The following MAD2L2 variants were observed in gnomAD, a reference collection of about 807,000 sequenced individuals.
The protein encoded by MAD2L2 is mitotic arrest deficient 2 like 2, also known as mitotic spindle assembly checkpoint protein MAD2B.
MAD2L2 carries 17 observed loss-of-function variants against 30.5 expected under a neutral mutation model. The observed-to-expected ratio is 0.56, with a 90% CI of 0.38 to 0.84. MAD2L2 has a LOEUF of 0.84. Ranked by LOEUF, MAD2L2 falls within the 40% of genes least tolerant of loss-of-function variation. The pLI is 0.00. For missense variants in MAD2L2, 213 were observed against 277.4 expected (o/e 0.77, Z 1.65); for synonymous variants, 101 against 113.9 (o/e 0.89, Z 0.72).
In MAD2L2 at chr1:11,688,496, G is replaced by A. The variant is rs757839921; in HGVS notation, c.-692+2917C>T. 8.5e-5 allele frequency among the ~76,000 whole-genome samples: 13 copies of A among 152,192 alleles called. No individual in the cohort carries two copies. The highest frequency in any genetic ancestry group is 1.3e-4 in the Non-Finnish European group (9 of 68,032). ...GAATCGCTTGAACTTGGGAGGCAGA[G>A]GTTGCAGTGAGCCAAGATCGCGCCA... On this transcript the variant is annotated intron_variant, in intron 1 of 10. Coordinates refer to the MAD2L2 transcript ENST00000235310. The surrounding 1 kb of genome is among the most constrained non-coding windows in gnomAD (Gnocchi z 4.6).
chr1:11,680,691 C>T, intron 1 of MAD2L2, 78 bp from the exon 2 acceptor site: 4 of 1,495,196 alleles, frequency 2.7e-6, no homozygotes, highest in Non-Finnish European at 2.7e-6. Flanking sequence ...CCGTCTCTTC[C>T]CTCCCCACAG....
At chr1:11,678,056 C>CAA (rs34436574) in intron 3 of MAD2L2, among the ~76,000 whole-genome samples, 1,591 of 104,760 alleles carry the variant, frequency 0.015, 27 homozygotes, top group South Asian at 0.048. Flanking sequence ...GACTCCATCT[C>CAA]AAAAAAAAAA....
At chr1:11,685,401 C>T (rs1027260640), upstream of MAD2L2, among the ~76,000 whole-genome samples, 7 of 152,198 alleles carry the variant, frequency 4.6e-5, no homozygotes, top group Middle Eastern at 6.8e-3. Context: ...CTATGGGTGG[C>T]ACTATGCAGA....
At chr1:11,691,586 G>C (rs1392065054) in exon 1 of MAD2L2, 1 of 151,340 alleles carries the variant, frequency 6.6e-6, no homozygotes, top group Non-Finnish European at 1.5e-5. Flanking sequence ...GGTGCGCGCC[G>C]GGCCCGGCCC....
At position 11,676,153 on chromosome 1, in the gene MAD2L2, G is replaced by C; in HGVS notation, c.333-13C>G. ...CAGCGAGTCTGAGCTGGGAGTGAGA[G>C]GAGGTCTTCCCATCACACTGGCGCC... On this transcript the variant is annotated splice_polypyrimidine_tract_variant and intron_variant, in intron 5 of 8. Transcript: ENST00000376692. The C allele has an allele frequency of 6.4e-7, 1 of 1,564,066 alleles. No individual in the cohort carries two copies. The highest frequency in any genetic ancestry group is 8.7e-7 in the Non-Finnish European group (1 of 1,146,638).
In MAD2L2 at chr1:11,687,685, C is replaced by T. The variant is rs888685710; in HGVS notation, c.-692+3728G>A. On this transcript the variant is annotated intron_variant, in intron 1 of 10. Coordinates refer to the MAD2L2 transcript ENST00000235310. This position sits in a 1 kb window ranked among gnomAD's most constrained non-coding sequence, Gnocchi z 4.1. Reference sequence around the variant, plus strand: ...GCCACTGCGCCTGACCTGGACTTGCCAATACGGAACATTCCATATAAAAGT... The same window carrying T: ...GCCACTGCGCCTGACCTGGACTTGCTAATACGGAACATTCCATATAAAAGT... 1.3e-5 allele frequency among the ~76,000 whole-genome samples: 2 copies of T among 152,322 alleles called. No homozygotes were observed. Among genetic ancestry groups the T allele is most frequent in the South Asian group, 2.1e-4 (1 of 4,822 alleles).
At chr1:11,683,465 C>T (rs1271691554), upstream of MAD2L2, among the ~76,000 whole-genome samples, 1 of 151,672 alleles carries the variant, frequency 6.6e-6, no homozygotes, top group African/African-American at 2.4e-5. Flanking sequence ...GGGAGTTAAC[C>T]TATGAGGATG....
intron 3 of MAD2L2, among the ~76,000 whole-genome samples, chr1:11,679,788 A>G (rs1640835211): frequency 6.6e-6 from 1 of 151,920 alleles, no homozygotes; most frequent in Admixed American, 6.6e-5. Flanking sequence ...CAGCCTCCCA[A>G]AGTGCTGGGA....
chr1:11,682,703 C>T (rs1394801484), upstream of MAD2L2, among the ~76,000 whole-genome samples: 3 of 152,110 alleles, frequency 2.0e-5, no homozygotes, highest in South Asian at 6.2e-4. Context: ...CCCGGATGCC[C>T]AGCAAAGTGT....
In MAD2L2 at chr1:11,677,112, G is replaced by A. The variant is rs1557678615; in HGVS notation, c.232-164C>T. The stretch of plus-strand genomic sequence containing the variant: ...AGAGGCCAGATAGCGAGTTTGAGAA[G>A]CCGGCACCCTCCAGCATGAGTGGTG... On this transcript the variant is annotated intron_variant, in intron 4 of 8. Transcript: ENST00000376692. 4.5e-6 allele frequency: 3 copies of A among 663,444 alleles called. No homozygotes were observed. The East Asian group carries it at 8.1e-5, about 18-fold the overall frequency. The allele number at this position is 663,444 out of a possible 1,614,324, so 41.1% of individuals were successfully genotyped here.
At chr1:11,677,231 G>A (rs1640785179) in intron 4 of MAD2L2, 1 of 599,934 alleles carries the variant, frequency 1.7e-6, no homozygotes, top group Admixed American at 3.0e-5. Context: ...GCTCAGCTCA[G>A]ACAGAACGTT....
intron 4 of MAD2L2, chr1:11,677,333 C>G: frequency 1.6e-6 from 1 of 610,376 alleles, no homozygotes; most frequent in Non-Finnish European, 2.9e-6. Context: ...GGCTCCCAGG[C>G]CCAAGGCACC....
At position 11,675,122 on chromosome 1, in the gene MAD2L2, CG is replaced by C; in HGVS notation, c.553del (p.Arg185GlyfsTer2). ...DEQDVHMHDP[R>X]LIPLKTMTSD... ...CGTCATGGTTTTTAGTGGTATCAGC[CG>C]GGGGTCATGCATGTGGACATCCTGC... is the stretch of plus-strand genomic sequence containing the variant. On this transcript the variant is annotated frameshift_variant, in exon 8 of 9. Coordinates refer to ENST00000376692, the MANE Select transcript of MAD2L2 (RefSeq NM_006341.4). LOFTEE classifies it high-confidence loss of function. 1 of 1,604,080 alleles carries C rather than the reference CG, an allele frequency of 6.2e-7. No homozygotes were observed. The highest frequency in any genetic ancestry group is 8.5e-7 in the Non-Finnish European group (1 of 1,175,120).
intron 3 of MAD2L2, among the ~76,000 whole-genome samples, chr1:11,679,686 C>G (rs1640833440): frequency 6.6e-6 from 1 of 152,128 alleles, no homozygotes; most frequent in African/African-American, 2.4e-5. Context: ...ACCACCACAC[C>G]AGGCTAATTT....
rs1641006517 is a variant in MAD2L2 at position 11,688,692 on chromosome 1, G to A, written c.-692+2721C>T. Reference sequence around the variant, plus strand: ...CCTTTGCAGGCTCACATTGTTAGAGGTGTCTGAACCAGAGCAACCCCATCT... The same window carrying A: ...CCTTTGCAGGCTCACATTGTTAGAGATGTCTGAACCAGAGCAACCCCATCT... On this transcript the variant is annotated intron_variant, in intron 1 of 10. Transcript: ENST00000235310. The surrounding 1 kb of genome is among the most constrained non-coding windows in gnomAD (Gnocchi z 4.6). 6.6e-6 allele frequency among the ~76,000 whole-genome samples: 1 copy of A among 152,170 alleles called. No individual in the cohort carries two copies. Among genetic ancestry groups the A allele is most frequent in the Non-Finnish European group, 1.5e-5 (1 of 68,028 alleles).
At chr1:11,675,001 C>T (rs1323138552) in intron 8 of MAD2L2, 81 bp downstream of exon 8, 15 of 1,337,446 alleles carry the variant, frequency 1.1e-5, no homozygotes, top group Non-Finnish European at 1.5e-5. Flanking sequence ...TCCCGCAAGC[C>T]CTCTAGTAAG....
chr1:11,677,479 G>A, intron 4 of MAD2L2, 64 bp downstream of exon 4: 1 of 1,479,310 alleles, frequency 6.8e-7, no homozygotes, highest in Non-Finnish European at 9.5e-7. Flanking sequence ...GAGTTGGACT[G>A]TGAGCACACA....
chr1:11,679,399 C>T (rs1184639881), intron 3 of MAD2L2, among the ~76,000 whole-genome samples: 4 of 152,174 alleles, frequency 2.6e-5, no homozygotes, highest in Non-Finnish European at 5.9e-5. Context: ...CTTTGTCTGC[C>T]TTTTAGCCTT....
At chr1:11,680,967 A>C in intron 1 of MAD2L2, 72 bp downstream of exon 1, 1 of 207,300 alleles carries the variant, frequency 4.8e-6, no homozygotes. Flanking sequence ...CGGGGTTGGA[A>C]TAAGACTCCG....
Sources: gnomAD v4.1 joint callset for allele counts (sites outside exome capture counted in the v4.1 genomes callset) on GRCh38, gnomAD v4.1.1 for gene constraint, Gnocchi (gnomAD v3.1) non-coding constraint, MANE v1.5 for transcripts, NCBI Gene and HGNC (gene_info 2026-07-23, HGNC 2026-07-21) for gene names.